The following POLR2D variants were observed in gnomAD, a reference collection of about 807,000 sequenced individuals.
POLR2D encodes DNA-directed RNA polymerase II subunit RPB4.
POLR2D carries 10 observed loss-of-function variants against 17.6 expected under a neutral mutation model. The observed-to-expected ratio is 0.57, with a 90% CI of 0.35 to 0.96. The LOEUF (loss-of-function observed/expected upper bound fraction) is 0.96. Among genes scored for constraint, POLR2D ranks in the 40% least tolerant of loss-of-function variants. The pLI is 0.02. For missense variants in POLR2D, 126 were observed against 176.4 expected (o/e 0.71, Z 1.62); for synonymous variants, 52 against 60.2 (o/e 0.86, Z 0.63).
chr2:127,853,370 A>T (rs1451424466), intron 1 of POLR2D, among the ~76,000 whole-genome samples: 1 of 152,094 alleles, frequency 6.6e-6, no homozygotes, highest in Non-Finnish European at 1.5e-5. Flanking sequence ...ATAGTTTTTC[A>T]ATCTGCACCA....
chr2:127,855,584 G>A (rs926191579), intron 1 of POLR2D, among the ~76,000 whole-genome samples: 4 of 152,250 alleles, frequency 2.6e-5, no homozygotes, highest in Admixed American at 6.5e-5. Context: ...GGAAGGTCGA[G>A]GCAGCCAAAC....
rs1247054077 is a variant in POLR2D, at chr2:127,844,701, TGGA to T, written c.*3403_*3405del. 1 of 152,206 alleles carries T rather than the reference TGGA, an allele frequency of 6.6e-6. No individual in the cohort carries two copies. Among genetic ancestry groups the T allele is most frequent in the Non-Finnish European group, 1.5e-5 (1 of 68,066 alleles). The allele number at this position is 152,206 out of a possible 1,614,324, so 9.4% of individuals were successfully genotyped here. On this transcript the variant is annotated 3_prime_UTR_variant, in exon 4 of 4. Transcript: ENST00000272645. ...GGAGTCTCGCTCTTGTTGCCCAGGCTGGAGTGCAATGGCATGATCTTGGCTCAC... is the reference window on the plus strand; with the variant it reads ...GGAGTCTCGCTCTTGTTGCCCAGGCTGTGCAATGGCATGATCTTGGCTCAC...
intron 3 of POLR2D, among the ~76,000 whole-genome samples, chr2:127,848,615 C>T (rs924081902): frequency 6.6e-6 from 1 of 152,120 alleles, no homozygotes; most frequent in Non-Finnish European, 1.5e-5. Context: ...CTTCCGGATT[C>T]CCACCATTCT....
chr2:127,850,586 T>G lies in POLR2D; in HGVS notation c.350+4A>C, dbSNP rs1690236833. ...ACAGAGAACTTATCACAACTGGTACTAACCTTGGGATTAGAGCCTTGGACT... is the reference window on the plus strand; with the variant it reads ...ACAGAGAACTTATCACAACTGGTACGAACCTTGGGATTAGAGCCTTGGACT... On this transcript the variant is annotated splice_donor_region_variant and intron_variant, in intron 3 of 3. Transcript: ENST00000272645. 7.1e-7 allele frequency: 1 copy of G among 1,403,792 alleles called. No individual in the cohort carries two copies. Among genetic ancestry groups the G allele is most frequent in the Admixed American group, 2.0e-5 (1 of 50,710 alleles). 87.0% of individuals were successfully genotyped at this position (1,403,792 alleles called of 1,614,324 possible).
At position 127,852,777 on chromosome 2, in the gene POLR2D, C is replaced by A; in HGVS notation, c.254+148G>T. The A allele has an allele frequency of 3.1e-6, 2 of 653,666 alleles. No individual in the cohort carries two copies. Among genetic ancestry groups the A allele is most frequent in the South Asian group, 3.8e-5 (2 of 53,186 alleles). 40.5% of individuals were successfully genotyped at this position (653,666 alleles called of 1,614,324 possible). ...TCAAGTGATCTGCTGCCTCAACCTTCCAAAGTGCTGGGTGTGAGCCACCAT... is the reference window on the plus strand; with the variant it reads ...TCAAGTGATCTGCTGCCTCAACCTTACAAAGTGCTGGGTGTGAGCCACCAT... On this transcript the variant is annotated intron_variant, in intron 2 of 3. Coordinates refer to ENST00000272645, the MANE Select transcript of POLR2D (RefSeq NM_004805.4). This position sits in a 1 kb window ranked among gnomAD's most constrained non-coding sequence, Gnocchi z 4.0.
rs1690153869 is a variant in POLR2D, at chr2:127,846,288, T to C, written c.*1819A>G. 6.6e-6 allele frequency: 1 copy of C among 152,158 alleles called. No individual in the cohort carries two copies. The highest frequency in any genetic ancestry group is 1.5e-5 in the Non-Finnish European group (1 of 68,042). 9.4% of individuals were successfully genotyped at this position (152,158 alleles called of 1,614,324 possible). On this transcript the variant is annotated 3_prime_UTR_variant, in exon 4 of 4. Coordinates refer to ENST00000272645, the MANE Select transcript of POLR2D (RefSeq NM_004805.4). ...AAATAAAAATAAGAATTTTTTATTCTTGCCTTATTTCGTAGCAAACATAAA... is the reference window on the plus strand; with the variant it reads ...AAATAAAAATAAGAATTTTTTATTCCTGCCTTATTTCGTAGCAAACATAAA...
chr2:127,851,814 A>G (rs1333765818), intron 2 of POLR2D, among the ~76,000 whole-genome samples: 1 of 151,978 alleles, frequency 6.6e-6, no homozygotes, highest in Non-Finnish European at 1.5e-5. Flanking sequence ...TTTGAGATGG[A>G]GTCTCACTCT....
rs1381730889 is a variant in POLR2D at position 127,847,824 on chromosome 2, T to C, written c.*283A>G. On this transcript the variant is annotated 3_prime_UTR_variant, in exon 4 of 4. Transcript: ENST00000272645. ...TGGAGGCCAAAAACCAGGAATGAGG[T>C]AGTCAACAGTGTGGTTATGTGACCC... 1 of 411,880 alleles carries C rather than the reference T, an allele frequency of 2.4e-6. No homozygotes were observed. Among genetic ancestry groups the C allele is most frequent in the Non-Finnish European group, 4.4e-6 (1 of 227,880 alleles). The allele number at this position is 411,880 out of a possible 1,614,324, so 25.5% of individuals were successfully genotyped here.
intron 3 of POLR2D, 54 bp from the exon 4 acceptor site, chr2:127,848,239 C>G: frequency 8.5e-7 from 1 of 1,182,242 alleles, no homozygotes; most frequent in Non-Finnish European, 1.2e-6. Context: ...TTTCCCCGCA[C>G]TCTTCTTTGA....
chr2:127,847,903 C>T lies in POLR2D; in HGVS notation c.*204G>A. The stretch of plus-strand genomic sequence containing the variant: ...CAGGAAGCCACTGGCTGCCACTGCA[C>T]AAGGCTGCTCCAAGATTCCATGTCA... On this transcript the variant is annotated 3_prime_UTR_variant, in exon 4 of 4. Coordinates refer to ENST00000272645, the MANE Select transcript of POLR2D (RefSeq NM_004805.4). 1.7e-6 allele frequency: 1 copy of T among 595,356 alleles called. No individual in the cohort carries two copies. The highest frequency in any genetic ancestry group is 1.9e-5 in the South Asian group (1 of 51,702). 36.9% of individuals were successfully genotyped at this position (595,356 alleles called of 1,614,324 possible). A position where few individuals can be genotyped will look rare whatever the true frequency, so the allele number is the denominator to read the frequency against.
intron 1 of POLR2D, among the ~76,000 whole-genome samples, chr2:127,853,332 A>G (rs1161418844): frequency 6.6e-6 from 1 of 152,162 alleles, no homozygotes; most frequent in Non-Finnish European, 1.5e-5. Flanking sequence ...CTATTTTGTC[A>G]TCCAAGTGAT....
chr2:127,855,467 A>C (rs1690312612), intron 1 of POLR2D, among the ~76,000 whole-genome samples: 1 of 152,146 alleles, frequency 6.6e-6, no homozygotes, highest in East Asian at 1.9e-4. Flanking sequence ...TTAAATGGAA[A>C]GGAATGGAAC....
intron 3 of POLR2D, among the ~76,000 whole-genome samples, chr2:127,850,187 TC>T (rs1240133028): frequency 6.6e-6 from 1 of 152,104 alleles, no homozygotes; most frequent in East Asian, 1.9e-4. Flanking sequence ...ACGCCTGTAA[TC>T]CCAGCACTCT....
At chr2:127,854,839 A>G (rs913449981) in intron 1 of POLR2D, among the ~76,000 whole-genome samples, 1 of 152,110 alleles carries the variant, frequency 6.6e-6, no homozygotes, top group Admixed American at 6.5e-5. Context: ...GTGAGAGCCT[A>G]TTTGTATACC....
chr2:127,853,108 A>G lies in POLR2D; in HGVS notation c.74-3T>C, dbSNP rs775207494. 28 of 1,604,328 alleles carry G rather than the reference A, an allele frequency of 1.7e-5. No homozygotes were observed. In the South Asian group the frequency reaches 2.9e-4, roughly 17 times the overall value. ...AAGTGTCTCAGCTGTTTCAAACTCT[A>G]TTTGTAAGAAGCATAAATGGCAGCT... On this transcript the variant is annotated splice_region_variant and splice_polypyrimidine_tract_variant and intron_variant, in intron 1 of 3. Transcript: ENST00000272645.
rs1373481595 is a variant in POLR2D, at chr2:127,847,900, G to A, written c.*207C>T. On this transcript the variant is annotated 3_prime_UTR_variant, in exon 4 of 4. Coordinates refer to ENST00000272645, the MANE Select transcript of POLR2D (RefSeq NM_004805.4). ...GTTCAGGAAGCCACTGGCTGCCACT[G>A]CACAAGGCTGCTCCAAGATTCCATG... is the stretch of plus-strand genomic sequence containing the variant. The A allele has an allele frequency of 8.5e-6, 5 of 590,992 alleles. No homozygotes were observed. Among genetic ancestry groups the A allele is most frequent in the African/African-American group, 5.6e-5 (3 of 53,134 alleles). 36.6% of individuals were successfully genotyped at this position (590,992 alleles called of 1,614,324 possible).
At chr2:127,850,440 C>CAAAAAAAAAGAAAAAAA (rs1690232759) in intron 3 of POLR2D, 150 bp downstream of exon 3, 1 of 104,384 alleles carries the variant, frequency 9.6e-6, no homozygotes, top group African/African-American at 7.5e-5. Flanking sequence ...AACTCCGTCT[C>CAAAAAAAAAGAAAAAAA]AAAAAAAAAA....
intron 1 of POLR2D, among the ~76,000 whole-genome samples, chr2:127,855,275 C>T (rs1284614389): frequency 1.3e-5 from 2 of 151,784 alleles, no homozygotes; most frequent in African/African-American, 2.4e-5. Context: ...TGACTGTACT[C>T]CCACCTACTC....
Position 127,858,117 on chromosome 2 carries a change from G to C in POLR2D, c.-17C>G, listed in dbSNP as rs756464075. ...CGCCGCCATCGCCGCGCCGCGCCGC[G>C]CGCCACCACCAGCGCCGCCGGAAGC... On this transcript the variant is annotated 5_prime_UTR_variant, in exon 1 of 4. Transcript: ENST00000272645. 88 of 1,472,924 alleles carry C rather than the reference G, an allele frequency of 6.0e-5. 2 individuals carry two copies. In the African/African-American group the frequency reaches 1.1e-3, roughly 18 times the overall value. The allele number at this position is 1,472,924 out of a possible 1,614,324, so 91.2% of individuals were successfully genotyped here.
Sources: gnomAD v4.1 joint callset for allele counts (sites outside exome capture counted in the v4.1 genomes callset) on GRCh38, gnomAD v4.1.1 for gene constraint, Gnocchi (gnomAD v3.1) non-coding constraint, MANE v1.5 for transcripts, NCBI Gene and HGNC (gene_info 2026-07-23, HGNC 2026-07-21) for gene names.